NREP: variants seen among roughly 807,000 people sequenced by gnomAD.
The protein encoded by NREP is neuronal regeneration-related protein.
NREP carries 5 observed loss-of-function variants against 8.6 expected under a neutral mutation model. That is an observed-to-expected ratio of 0.58 (90% CI 0.30 to 1.22). The LOEUF is 1.22. Ranked by LOEUF, NREP falls within the 50% of genes most tolerant of loss-of-function variation. NREP has a pLI of 0.07. For synonymous variants in NREP, 27 were observed against 28.0 expected (o/e 0.96, Z 0.11); for missense variants, 86 against 82.5 (o/e 1.04, Z -0.17).
chr5:111,864,246 A>G (rs977687301), intron 2 of NREP, among the ~76,000 whole-genome samples: 4 of 152,182 alleles, frequency 2.6e-5, no homozygotes, highest in African/African-American at 4.8e-5. Context: ...ATTAAAATTT[A>G]TAAGATGAAA....
chr5:111,763,305 T>C (rs554093190), intron 2 of NREP, among the ~76,000 whole-genome samples: 32 of 152,192 alleles, frequency 2.1e-4, no homozygotes, highest in African/African-American at 7.5e-4. Context: ...ACTTAGCAAA[T>C]TGTGAAATAT....
At chr5:111,876,187 C>T (rs1261374834) in intron 2 of NREP, among the ~76,000 whole-genome samples, 1 of 152,220 alleles carries the variant, frequency 6.6e-6, no homozygotes, top group Non-Finnish European at 1.5e-5. Context: ...GGCATTCCCA[C>T]ATCCCCATGC....
intron 2 of NREP, among the ~76,000 whole-genome samples, chr5:111,876,432 G>T (rs1753910776): frequency 6.6e-6 from 1 of 152,036 alleles, no homozygotes; most frequent in South Asian, 2.1e-4. Context: ...AATAAAGCCT[G>T]GGTACCAATT....
At position 111,795,803 on chromosome 5, in the gene NREP, G is replaced by A. The variant is rs188216067; in HGVS notation, c.136-60296C>T. Among the ~76,000 whole-genome samples the A allele has an allele frequency of 1.2e-3, 183 of 152,244 alleles. 1 individual carries two copies. Among genetic ancestry groups the A allele is most frequent in the Non-Finnish European group, 1.1e-3 (75 of 68,010 alleles). On this transcript the variant is annotated intron_variant, in intron 2 of 3. Coordinates refer to the NREP transcript ENST00000395634. ...ATATAGCCTACATTTTAAAATCAATGGAAAGCAGAATAGAAAGCAGAAATA... is the reference window on the plus strand; with the variant it reads ...ATATAGCCTACATTTTAAAATCAATAGAAAGCAGAATAGAAAGCAGAAATA...
At chr5:111,729,171 A>ATT (rs1159968290), downstream of NREP, 1 of 152,194 alleles carries the variant, frequency 6.6e-6, no homozygotes, top group Non-Finnish European at 1.5e-5. Context: ...GGCAGAGCTG[A>ATT]TTCTCTCTCT....
At chr5:111,747,489 T>C (rs1318802695) in intron 2 of NREP, among the ~76,000 whole-genome samples, 2 of 152,138 alleles carry the variant, frequency 1.3e-5, no homozygotes, top group Non-Finnish European at 2.9e-5. Context: ...TGGTGTGTGA[T>C]GGTGATCTGA....
chr5:111,923,332 T>G (rs1045379033), intron 2 of NREP, among the ~76,000 whole-genome samples: 1 of 152,094 alleles, frequency 6.6e-6, no homozygotes, highest in Non-Finnish European at 1.5e-5. Context: ...ATAAAGAGGG[T>G]CCAGTCTGGA....
chr5:111,757,712 G>A, upstream of NREP: 1 of 984,610 alleles, frequency 1.0e-6, no homozygotes, highest in Non-Finnish European at 1.2e-6. Flanking sequence ...CGGACCCGCA[G>A]CTCTGCGCCC....
intron 2 of NREP, among the ~76,000 whole-genome samples, chr5:111,765,324 T>A (rs62371568): frequency 0.08 from 12,146 of 152,246 alleles, 566 homozygotes; most frequent in Non-Finnish European, 0.1. Context: ...CCTCCCGCTG[T>A]ATGGCCTGGT....
chr5:111,913,741 C>T (rs1348192999), intron 2 of NREP, among the ~76,000 whole-genome samples: 1 of 152,024 alleles, frequency 6.6e-6, no homozygotes, highest in Non-Finnish European at 1.5e-5. Context: ...AATGAATTCC[C>T]AGCTCTACCT....
chr5:111,773,862 G>C (rs1349500394), intron 2 of NREP, among the ~76,000 whole-genome samples: 7 of 152,104 alleles, frequency 4.6e-5, no homozygotes, highest in African/African-American at 1.7e-4. Flanking sequence ...CCTGCTTGTA[G>C]AGAAATCTTG....
chr5:111,823,273 C>T (rs75934072), intron 2 of NREP, among the ~76,000 whole-genome samples: 17 of 152,298 alleles, frequency 1.1e-4, no homozygotes, highest in Non-Finnish European at 2.1e-4. Flanking sequence ...ATGACCCAAA[C>T]ACCTCCCACA....
At chr5:111,840,682 T>G (rs1316241562) in intron 2 of NREP, among the ~76,000 whole-genome samples, 2 of 152,124 alleles carry the variant, frequency 1.3e-5, no homozygotes, top group African/African-American at 4.8e-5. Context: ...CAACAATATT[T>G]TATTAAATAC....
At chr5:111,777,529 T>C (rs555977910) in intron 2 of NREP, among the ~76,000 whole-genome samples, 42 of 152,094 alleles carry the variant, frequency 2.8e-4, no homozygotes, top group Non-Finnish European at 5.3e-4. Context: ...AATGATACAT[T>C]GGGAATGTTA....
chr5:111,954,543 T>C (rs946577817), intron 2 of NREP, among the ~76,000 whole-genome samples: 1 of 152,160 alleles, frequency 6.6e-6, no homozygotes, highest in Non-Finnish European at 1.5e-5. Context: ...TAACTTGCAT[T>C]AACAAATTAT....
chr5:111,943,467 A>T (rs1755888235), intron 2 of NREP, among the ~76,000 whole-genome samples: 1 of 152,008 alleles, frequency 6.6e-6, no homozygotes, highest in African/African-American at 2.4e-5. Context: ...ATTACTCTTA[A>T]ACCTATATCT....
chr5:111,915,794 T>G (rs1332225861), intron 2 of NREP, among the ~76,000 whole-genome samples: 1 of 152,176 alleles, frequency 6.6e-6, no homozygotes, highest in Non-Finnish European at 1.5e-5. Flanking sequence ...TTGAGTCTAT[T>G]TCATTTTTTA....
intron 2 of NREP, among the ~76,000 whole-genome samples, chr5:111,786,505 A>G (rs532554609): frequency 7.3e-4 from 111 of 152,312 alleles, no homozygotes; most frequent in Middle Eastern, 3.4e-3. Flanking sequence ...TAAATATTTA[A>G]ATAGAGTAAG....
chr5:111,803,027 CA>C (rs1166766383), intron 2 of NREP, among the ~76,000 whole-genome samples: 1 of 152,000 alleles, frequency 6.6e-6, no homozygotes, highest in African/African-American at 2.4e-5. Flanking sequence ...ATGGTGTTGC[CA>C]AAGACAAAAA....
Sources: gnomAD v4.1 joint callset for allele counts (sites outside exome capture counted in the v4.1 genomes callset) on GRCh38, gnomAD v4.1.1 for gene constraint, MANE v1.5 for transcripts, NCBI Gene and HGNC (gene_info 2026-07-23, HGNC 2026-07-21) for gene names.